The following BRINP1 variants were observed in gnomAD, a reference collection of about 807,000 sequenced individuals.
BRINP1 encodes BMP/retinoic acid-inducible neural-specific protein 1.
In BRINP1, 17 loss-of-function variants were observed where a neutral mutation model predicts 72.9. That is an observed-to-expected ratio of 0.23 (90% CI 0.16 to 0.35). The LOEUF (loss-of-function observed/expected upper bound fraction) is 0.35. Ranked by LOEUF, BRINP1 falls within the 10% of genes least tolerant of loss-of-function variation. BRINP1 has a pLI of 1.00. For missense variants in BRINP1, 850 were observed against 1,001.6 expected, an observed-to-expected ratio of 0.85 and a Z score of 2.04; for synonymous variants, 418 against 378.5, an observed-to-expected ratio of 1.10 and a Z score of -1.21.
At chr9:119,267,196 A>G (rs573768362) in intron 2 of BRINP1, among the ~76,000 whole-genome samples, 46 of 152,370 alleles carry the variant, frequency 3.0e-4, no homozygotes, top group Admixed American at 2.9e-3. Context: ...ATATGAAAGA[A>G]AAAGAAGAAT....
intron 1 of BRINP1, among the ~76,000 whole-genome samples, chr9:119,342,965 C>T (rs989708666): frequency 2.0e-5 from 3 of 152,184 alleles, no homozygotes; most frequent in African/African-American, 7.2e-5. Flanking sequence ...CTCTTTGCCT[C>T]AGTTTATAGA....
Position 119,168,057 on chromosome 9 carries a change from A to T in BRINP1, c.1313T>A (p.Met438Lys). ...GAGGGAGATGTTGGCCAGGCTGCAC[A>T]TGGCGCAGCTGTTGTTCCCGCCTAT... ...CVIGGNNSCA[M>K]CSLANISLCG... The change falls in exon 8 of 8, where the codon ATG (methionine) becomes AAG (lysine). Residue 438 changes from methionine to lysine, a missense_variant. Coordinates refer to ENST00000265922, the MANE Select transcript of BRINP1 (RefSeq NM_014618.3). The T allele has an allele frequency of 1.9e-6, 3 of 1,611,138 alleles. No homozygotes were observed. The highest frequency in any genetic ancestry group is 2.5e-6 in the Non-Finnish European group (3 of 1,178,104).
chr9:119,298,389 G>T (rs1270480766), intron 2 of BRINP1, among the ~76,000 whole-genome samples: 5 of 152,178 alleles, frequency 3.3e-5, no homozygotes, highest in Non-Finnish European at 7.3e-5. Flanking sequence ...GAAGGAATTT[G>T]AGGCTCAGAT....
At chr9:119,272,726 T>C (rs1019342994) in intron 2 of BRINP1, among the ~76,000 whole-genome samples, 3 of 152,184 alleles carry the variant, frequency 2.0e-5, no homozygotes, top group Non-Finnish European at 1.5e-5. Context: ...AAGACTCGCT[T>C]CCCTGCTGGT....
intron 2 of BRINP1, among the ~76,000 whole-genome samples, chr9:119,292,771 G>A (rs1387153849): frequency 1.3e-5 from 2 of 152,168 alleles, no homozygotes; most frequent in Non-Finnish European, 2.9e-5. Context: ...AGGTCTGCAA[G>A]ATGTACACTC....
intron 2 of BRINP1, among the ~76,000 whole-genome samples, chr9:119,304,269 A>C (rs1252406752): frequency 6.6e-6 from 1 of 152,186 alleles, no homozygotes; most frequent in Non-Finnish European, 1.5e-5. Context: ...TGAGGCTCAC[A>C]TGGTTTAAGC....
intron 2 of BRINP1, among the ~76,000 whole-genome samples, chr9:119,273,256 C>T: frequency 6.6e-6 from 1 of 152,182 alleles, no homozygotes; most frequent in Non-Finnish European, 1.5e-5. Flanking sequence ...GCCTTGGATT[C>T]TCCATCTGTA....
intron 2 of BRINP1, among the ~76,000 whole-genome samples, chr9:119,299,836 G>A (rs919731477): frequency 3.3e-5 from 5 of 152,110 alleles, no homozygotes; most frequent in South Asian, 2.1e-4. Context: ...TGGCTATTGC[G>A]AAAAATATTT....
intron 2 of BRINP1, among the ~76,000 whole-genome samples, chr9:119,259,902 T>A (rs1160006547): frequency 6.6e-6 from 1 of 152,202 alleles, no homozygotes; most frequent in African/African-American, 2.4e-5. Context: ...TGAACAACTT[T>A]TTTCCCGGCA....
intron 5 of BRINP1, among the ~76,000 whole-genome samples, chr9:119,216,963 T>C (rs1829984316): frequency 1.3e-5 from 2 of 152,316 alleles, no homozygotes; most frequent in Middle Eastern, 3.4e-3. Flanking sequence ...ACTCAGAACA[T>C]GCCGAGCTGT....
chr9:119,338,804 G>A (rs1831378244), intron 1 of BRINP1, among the ~76,000 whole-genome samples: 1 of 151,344 alleles, frequency 6.6e-6, no homozygotes, highest in Admixed American at 6.6e-5. Flanking sequence ...AGAATGGTGC[G>A]AACCCAGGAG....
Position 119,208,784 on chromosome 9 carries a change from G to A in BRINP1, c.1080C>T (p.Ala360=), listed in dbSNP as rs1479809840. 3 of 1,614,122 alleles carry A rather than the reference G, an allele frequency of 1.9e-6. No individual in the cohort carries two copies. Among genetic ancestry groups the A allele is most frequent in the African/African-American group, 1.3e-5 (1 of 75,042 alleles). ...EAQRQKIQRT[A]RKLFGLSVRC... The stretch of plus-strand genomic sequence containing the variant: ...GTACACTGAGGCCGAAAAGCTTGCG[G>A]GCAGTGCGTTGGATCTTTTGTCTCT... The change falls in exon 7 of 8, where the codon GCC becomes GCT. Residue 360 remains alanine (A), a synonymous_variant. Coordinates refer to ENST00000265922, the MANE Select transcript of BRINP1 (RefSeq NM_014618.3).
At chr9:119,364,984 G>A (rs1222731758) in intron 1 of BRINP1, among the ~76,000 whole-genome samples, 1 of 152,220 alleles carries the variant, frequency 6.6e-6, no homozygotes, top group Non-Finnish European at 1.5e-5. Context: ...GATGCAACAG[G>A]AAATGCAAGG....
intron 2 of BRINP1, among the ~76,000 whole-genome samples, chr9:119,310,383 A>C (rs1006820844): frequency 6.6e-6 from 1 of 152,128 alleles, no homozygotes; most frequent in African/African-American, 2.4e-5. Context: ...ATGTGCACAC[A>C]CTGTTGCTTG....
chr9:119,286,778 C>T (rs1051226035), intron 2 of BRINP1, among the ~76,000 whole-genome samples: 4 of 152,120 alleles, frequency 2.6e-5, no homozygotes, highest in East Asian at 3.8e-4. Context: ...CACAAGAGGA[C>T]GGGGGAACTC....
chr9:119,227,085 A>C (rs1219416915), intron 5 of BRINP1, among the ~76,000 whole-genome samples: 1 of 149,630 alleles, frequency 6.7e-6, no homozygotes, highest in Non-Finnish European at 1.5e-5. Flanking sequence ...ATTATTCACA[A>C]ATAATAGCCG....
At chr9:119,284,880 A>G (rs1781363602) in intron 2 of BRINP1, among the ~76,000 whole-genome samples, 1 of 152,172 alleles carries the variant, frequency 6.6e-6, no homozygotes. Flanking sequence ...CTCTTTGGAA[A>G]TGATAAAGTC....
intron 3 of BRINP1, among the ~76,000 whole-genome samples, chr9:119,243,430 C>T (rs1024288841): frequency 2.7e-4 from 41 of 152,166 alleles, no homozygotes; most frequent in African/African-American, 9.4e-4. Context: ...ATATGTACCA[C>T]ATTTTCTTTA....
At position 119,306,126 on chromosome 9, in the gene BRINP1, C is replaced by A. The variant is rs151035127; in HGVS notation, c.218+7012G>T. On this transcript the variant is annotated intron_variant, in intron 2 of 7. Transcript: ENST00000265922. The stretch of plus-strand genomic sequence containing the variant: ...CAAGTAGGTCCATTTTCAGACACTG[C>A]TCGTGACAAAAGCTGGACAATTGTT... Among the ~76,000 whole-genome samples, 702 of 152,294 alleles carry A rather than the reference C, an allele frequency of 4.6e-3. 7 individuals carry two copies. The highest frequency in any genetic ancestry group is 4.2e-3 in the East Asian group (22 of 5,182).
Sources: gnomAD v4.1 joint callset for allele counts (sites outside exome capture counted in the v4.1 genomes callset) on GRCh38, gnomAD v4.1.1 for gene constraint, MANE v1.5 for transcripts, NCBI Gene and HGNC (gene_info 2026-07-23, HGNC 2026-07-21) for gene names.